OR9Q1: variants seen among roughly 807,000 people sequenced by gnomAD.
The protein encoded by OR9Q1 is olfactory receptor family 9 subfamily Q member 1, also known as olfactory receptor 9Q1.
For synonymous variants in OR9Q1, 153 were observed against 148.6 expected (o/e 1.03, Z -0.22); for missense variants, 374 against 378.8 (o/e 0.99, Z 0.11).
intron 1 of OR9Q1, among the ~76,000 whole-genome samples, chr11:58,032,571 A>C (rs1202708544): frequency 1.3e-5 from 2 of 152,250 alleles, no homozygotes; most frequent in Non-Finnish European, 2.9e-5. Flanking sequence ...CATATGCAGA[A>C]GACTGAAACT....
intron 2 of OR9Q1, among the ~76,000 whole-genome samples, chr11:58,102,255 ACC>A (rs1853791297): frequency 2.7e-3 from 1 of 372 alleles, no homozygotes; most frequent in Non-Finnish European, 8.8e-3. Context: ...TGTTTTGTAT[ACC>A]CTTTTTACCC....
At chr11:58,155,605 T>A (rs1437049478) in intron 2 of OR9Q1, among the ~76,000 whole-genome samples, 2 of 152,196 alleles carry the variant, frequency 1.3e-5, no homozygotes, top group Non-Finnish European at 2.9e-5. Context: ...TTGGGTCTTC[T>A]TCCAGTAGTA....
rs144910838 is a variant in OR9Q1, at chr11:58,176,074, T to A, written c.-14-3357T>A. On this transcript the variant is annotated intron_variant, in intron 2 of 2. Coordinates refer to ENST00000335397, the MANE Select transcript of OR9Q1 (RefSeq NM_001005212.4). Reference sequence around the variant, plus strand: ...CAGAGAGGGCAAACAGAAGACATGATGTGTCTTGCTGAGGTTTCTGTGTAG... The same window carrying A: ...CAGAGAGGGCAAACAGAAGACATGAAGTGTCTTGCTGAGGTTTCTGTGTAG... Among the ~76,000 whole-genome samples the A allele has an allele frequency of 7.2e-5, 11 of 152,232 alleles. 1 individual carries two copies. The East Asian group carries it at 1.7e-3, about 24-fold the overall frequency.
chr11:58,119,660 A>G (rs1854006720), intron 2 of OR9Q1, among the ~76,000 whole-genome samples: 1 of 152,166 alleles, frequency 6.6e-6, no homozygotes, highest in Admixed American at 6.5e-5. Flanking sequence ...TTCTGATTCA[A>G]ACTAATCCTA....
At chr11:58,047,720 A>C (rs1353287348) in intron 1 of OR9Q1, among the ~76,000 whole-genome samples, 1 of 508 alleles carries the variant, frequency 2.0e-3, no homozygotes, top group African/African-American at 2.3e-3. Context: ...AATGATACAA[A>C]AAAAAAAAAA....
intron 2 of OR9Q1, chr11:58,171,856 A>T (rs569870286): frequency 6.6e-6 from 1 of 152,334 alleles, no homozygotes; most frequent in South Asian, 2.1e-4. Flanking sequence ...AGAATTTTCC[A>T]GCCAGAAGTT....
chr11:58,124,559 ATAT>A (rs1303486010), intron 2 of OR9Q1: 3 of 152,198 alleles, frequency 2.0e-5, no homozygotes, highest in Non-Finnish European at 2.9e-5. Flanking sequence ...GTGTCTTGAA[ATAT>A]TGTTGTTAAC....
intron 2 of OR9Q1, among the ~76,000 whole-genome samples, chr11:58,135,587 C>T (rs758157770): frequency 2.0e-5 from 3 of 152,108 alleles, no homozygotes; most frequent in Non-Finnish European, 1.5e-5. Flanking sequence ...CTGTTTAGTT[C>T]TATATATTTG....
At chr11:58,031,518 T>G in intron 1 of OR9Q1, 1 of 1,614,174 alleles carries the variant, frequency 6.2e-7, no homozygotes, top group Non-Finnish European at 8.5e-7. Context: ...TCACCCTTGC[T>G]AGCCTTGTCG....
intron 2 of OR9Q1, among the ~76,000 whole-genome samples, chr11:58,103,965 G>A (rs1348197483): frequency 6.6e-6 from 1 of 152,152 alleles, no homozygotes; most frequent in Non-Finnish European, 1.5e-5. Flanking sequence ...TGGTTCTCAG[G>A]CCAAGGGTGT....
At chr11:58,178,925 ATTATATAT>A (rs2119973601) in intron 2 of OR9Q1, among the ~76,000 whole-genome samples, 1 of 144,472 alleles carries the variant, frequency 6.9e-6, no homozygotes, top group Non-Finnish European at 1.5e-5. Flanking sequence ...ATATTTATAT[ATTATATAT>A]TTATATATAA....
chr11:58,097,246 A>G (rs149525079), intron 2 of OR9Q1, among the ~76,000 whole-genome samples: 2 of 152,314 alleles, frequency 1.3e-5, no homozygotes, highest in East Asian at 3.9e-4. Context: ...CTGTCCATAC[A>G]CATTTGGGTT....
intron 1 of OR9Q1, among the ~76,000 whole-genome samples, chr11:58,039,390 C>G (rs1211086484): frequency 6.6e-6 from 1 of 152,194 alleles, no homozygotes; most frequent in African/African-American, 2.4e-5. Context: ...ATTTTCAGCA[C>G]CTTTTGGTAG....
intron 2 of OR9Q1, among the ~76,000 whole-genome samples, chr11:58,089,639 T>G (rs1327240641): frequency 6.6e-6 from 1 of 151,996 alleles, no homozygotes; most frequent in Non-Finnish European, 1.5e-5. Context: ...ATGTGGGCTC[T>G]TTTTTGGTTC....
At chr11:58,132,301 C>T (rs530609197) in intron 2 of OR9Q1, among the ~76,000 whole-genome samples, 1 of 152,322 alleles carries the variant, frequency 6.6e-6, no homozygotes, top group East Asian at 1.9e-4. Context: ...CACTAGGCCA[C>T]ACAGGATAGT....
chr11:58,173,620 C>A (rs1452809896), intron 2 of OR9Q1, among the ~76,000 whole-genome samples: 2 of 152,060 alleles, frequency 1.3e-5, no homozygotes, highest in African/African-American at 4.8e-5. Flanking sequence ...GAACTCTGAG[C>A]TGAGAGCTTC....
intron 2 of OR9Q1, among the ~76,000 whole-genome samples, chr11:58,121,941 A>ATGACT (rs981063298): frequency 6.6e-6 from 1 of 152,200 alleles, no homozygotes; most frequent in African/African-American, 2.4e-5. Flanking sequence ...ACAGAGGTTA[A>ATGACT]TGACTTGTCC....
intron 1 of OR9Q1, among the ~76,000 whole-genome samples, chr11:58,034,792 C>CCCTCCCTTCCTT (rs71454310): frequency 2.2e-4 from 21 of 96,058 alleles, no homozygotes; most frequent in African/African-American, 7.7e-4. Context: ...CCTCCTTTCT[C>CCCTCCCTTCCTT]CCTTCCTTCC....
intron 1 of OR9Q1, among the ~76,000 whole-genome samples, chr11:58,048,156 C>T (rs1156757034): frequency 2.0e-5 from 3 of 152,066 alleles, no homozygotes; most frequent in Admixed American, 1.3e-4. Context: ...TCCATCCATA[C>T]GAATTACTTA....
Sources: gnomAD v4.1 joint callset for allele counts (sites outside exome capture counted in the v4.1 genomes callset) on GRCh38, gnomAD v4.1.1 for gene constraint, MANE v1.5 for transcripts, NCBI Gene and HGNC (gene_info 2026-07-23, HGNC 2026-07-21) for gene names.